Variants in POLR3B observed in about 807,000 individuals in gnomAD.
POLR3B encodes the protein RNA polymerase III subunit B, also known as DNA-directed RNA polymerase III subunit RPC2.
In POLR3B, 96 loss-of-function variants were observed where a neutral mutation model predicts 147.4. The observed-to-expected ratio is 0.65, with a 90% CI of 0.55 to 0.77. The LOEUF (loss-of-function observed/expected upper bound fraction) is 0.77, where lower values mean the gene tolerates loss of function less well. Ranked by LOEUF, POLR3B falls within the 30% of genes least tolerant of loss-of-function variation. POLR3B has a pLI of 0.00. For missense variants in POLR3B, 1,036 were observed against 1,413.5 expected (o/e 0.73, Z 4.28); for synonymous variants, 461 against 485.9 (o/e 0.95, Z 0.67).
At chr12:106,500,288 T>A (rs1328284182) in intron 25 of POLR3B, 1 of 397,462 alleles carries the variant, frequency 2.5e-6, no homozygotes. Context: ...TCTGTCAAAG[T>A]ACTTATATAT....
At chr12:106,402,831 T>C (rs1274378483) in intron 10 of POLR3B, among the ~76,000 whole-genome samples, 10 of 152,282 alleles carry the variant, frequency 6.6e-5, no homozygotes, top group African/African-American at 2.2e-4. Context: ...AAGACTTACA[T>C]GTTAGACCTA....
At chr12:106,431,935 A>G (rs556566165) in intron 14 of POLR3B, among the ~76,000 whole-genome samples, 11 of 152,172 alleles carry the variant, frequency 7.2e-5, no homozygotes, top group Non-Finnish European at 1.5e-4. Flanking sequence ...ATGTAGCTGC[A>G]TTTATTAATG....
intron 23 of POLR3B, among the ~76,000 whole-genome samples, chr12:106,474,734 T>C (rs1271054741): frequency 7.0e-6 from 1 of 142,388 alleles, no homozygotes; most frequent in African/African-American, 2.6e-5. Flanking sequence ...TTTTTTATTG[T>C]GTCTATTTGA....
At chr12:106,468,318 T>C (rs1222620958) in intron 23 of POLR3B, among the ~76,000 whole-genome samples, 1 of 152,198 alleles carries the variant, frequency 6.6e-6, no homozygotes, top group Non-Finnish European at 1.5e-5. Flanking sequence ...CATTTTTTAT[T>C]GCATCTATTT....
chr12:106,454,827 T>C (rs1244039299), intron 20 of POLR3B, 116 bp downstream of exon 20: 1 of 702,838 alleles, frequency 1.4e-6, no homozygotes, highest in East Asian at 2.7e-5. Context: ...AATTTTATGA[T>C]ATAGAAACAG....
chr12:106,501,924 GC>G (rs1450303771), intron 26 of POLR3B, among the ~76,000 whole-genome samples: 8 of 152,292 alleles, frequency 5.3e-5, no homozygotes, highest in African/African-American at 1.9e-4. Flanking sequence ...GAGGTTAGGG[GC>G]CACATGTGCC....
At chr12:106,470,253 G>A (rs2038071719) in intron 23 of POLR3B, among the ~76,000 whole-genome samples, 1 of 151,882 alleles carries the variant, frequency 6.6e-6, no homozygotes, top group African/African-American at 2.4e-5. Context: ...GGCTATTGAA[G>A]CTTGTGTATG....
At chr12:106,399,040 G>A (rs2037022009) in intron 10 of POLR3B, among the ~76,000 whole-genome samples, 1 of 152,094 alleles carries the variant, frequency 6.6e-6, no homozygotes, top group Non-Finnish European at 1.5e-5. Context: ...ACTCCAAGCT[G>A]CAGGAGGAAG....
rs1391073856 is a variant in POLR3B at position 106,477,723 on chromosome 12, C to T, written c.2713+14103C>T. Among the ~76,000 whole-genome samples the T allele has an allele frequency of 5.3e-5, 8 of 152,190 alleles. 1 individual carries two copies. Among genetic ancestry groups the T allele is most frequent in the Middle Eastern group, 6.8e-3 (2 of 294 alleles). On this transcript the variant is annotated intron_variant, in intron 23 of 27. Coordinates refer to ENST00000228347, the MANE Select transcript of POLR3B (RefSeq NM_018082.6). The stretch of plus-strand genomic sequence containing the variant: ...GGCAATGCCTCACCCTGCTTCGGCT[C>T]GCGCAGGGTACGCGCACCCACTGGC...
chr12:106,463,446 ACT>A (rs769960746), intron 22 of POLR3B, 30 bp from the exon 23 acceptor site: 67 of 1,607,382 alleles, frequency 4.2e-5, no homozygotes, highest in Non-Finnish European at 4.9e-5. Context: ...CAGTTTGAAA[ACT>A]CTGTTTTAGT....
chr12:106,501,191 A>G (rs926151719), intron 25 of POLR3B, 132 bp from the exon 26 acceptor site: 22 of 706,638 alleles, frequency 3.1e-5, no homozygotes, highest in Middle Eastern at 2.7e-4. Flanking sequence ...CTTTTCATTC[A>G]CTACAGACTG....
At chr12:106,506,914 G>A (rs2038697042) in intron 27 of POLR3B, among the ~76,000 whole-genome samples, 1 of 152,104 alleles carries the variant, frequency 6.6e-6, no homozygotes, top group Non-Finnish European at 1.5e-5. Flanking sequence ...AGGGAGCATG[G>A]GCGTCGTTGG....
intron 12 of POLR3B, among the ~76,000 whole-genome samples, chr12:106,422,064 C>T (rs754275798): frequency 6.6e-6 from 1 of 152,148 alleles, no homozygotes; most frequent in East Asian, 1.9e-4. Flanking sequence ...GTCAACTTAT[C>T]TAACTTTTAA....
chr12:106,455,006 A>G lies in POLR3B; in HGVS notation c.2293+295A>G, dbSNP rs577775252. The stretch of plus-strand genomic sequence containing the variant: ...AAATGTAAGAATGTGTTTGTTTTCC[A>G]GCAGGAATTACAGTATATGAAATAT... On this transcript the variant is annotated intron_variant, in intron 20 of 27. Transcript: ENST00000228347. Among the ~76,000 whole-genome samples the G allele has an allele frequency of 8.5e-5, 13 of 152,318 alleles. No homozygotes were observed. The South Asian group carries it at 2.5e-3, about 29-fold the overall frequency.
intron 12 of POLR3B, 61 bp from the exon 13 acceptor site, chr12:106,427,136 A>T: frequency 9.0e-7 from 1 of 1,107,050 alleles, no homozygotes; most frequent in Non-Finnish European, 1.3e-6. Context: ...CCTAAAATTT[A>T]TTAAAATAAT....
intron 23 of POLR3B, among the ~76,000 whole-genome samples, chr12:106,476,696 G>C (rs1013518523): frequency 6.7e-6 from 1 of 149,320 alleles, no homozygotes; most frequent in African/African-American, 2.5e-5. Flanking sequence ...CGTAGTTCTC[G>C]AGCCTTGGTT....
Position 106,463,596 on chromosome 12 carries a change from T to A in POLR3B, c.2689T>A (p.Phe897Ile). The change falls in exon 23 of 28, where the codon TTC (phenylalanine) becomes ATC (isoleucine). Residue 897 changes from phenylalanine (F) to isoleucine (I), a missense_variant. Around this residue, in one of 12 missense-constraint regions of POLR3B, gnomAD observed 202 missense variants for 272.8 expected, o/e 0.74. Transcript: ENST00000228347. ...AAGGCGTCCAGAAATTGGAGACAAATTCAGCAGTCGTCATGGGCAAAAAGG... is the reference window on the plus strand; with the variant it reads ...AAGGCGTCCAGAAATTGGAGACAAAATCAGCAGTCGTCATGGGCAAAAAGG... ...QTRRPEIGDK[F>I]SSRHGQKGVC... 1 of 1,613,706 alleles carries A rather than the reference T, an allele frequency of 6.2e-7. No individual in the cohort carries two copies. The highest frequency in any genetic ancestry group is 8.5e-7 in the Non-Finnish European group (1 of 1,179,690).
At chr12:106,375,642 T>A (rs2036667564) in intron 6 of POLR3B, among the ~76,000 whole-genome samples, 1 of 152,224 alleles carries the variant, frequency 6.6e-6, no homozygotes, top group Admixed American at 6.5e-5. Flanking sequence ...AAGTTAGTGC[T>A]TAAAATTTCC....
At chr12:106,409,131 C>G (rs1215693284) in intron 11 of POLR3B, among the ~76,000 whole-genome samples, 1 of 152,070 alleles carries the variant, frequency 6.6e-6, no homozygotes, top group Non-Finnish European at 1.5e-5. Flanking sequence ...TTATTTTTCT[C>G]ATTAACAAGA....
Sources: gnomAD v4.1 joint callset for allele counts (sites outside exome capture counted in the v4.1 genomes callset) on GRCh38, gnomAD v4.1.1 for gene constraint, gnomAD v4.1.1 regional missense constraint, MANE v1.5 for transcripts, NCBI Gene and HGNC (gene_info 2026-07-23, HGNC 2026-07-21) for gene names.